The following PSEN2 variants were observed in gnomAD, a reference collection of about 807,000 sequenced individuals.
The protein encoded by PSEN2 is presenilin 2, also known as presenilin-2.
Under a neutral mutation model 49.1 loss-of-function variants are expected in PSEN2, and 32 were observed. The ratio of observed to expected loss-of-function variants is 0.65; its 90% CI spans 0.49 to 0.88. The LOEUF is 0.88. PSEN2 is among the 40% of genes least tolerant of loss of function. The pLI is 0.00. For synonymous variants in PSEN2, 255 were observed against 244.0 expected (o/e 1.05, Z -0.42); for missense variants, 522 against 586.9 (o/e 0.89, Z 1.14).
At chr1:226,890,305 T>A (rs1303664342) in intron 9 of PSEN2, among the ~76,000 whole-genome samples, 172 bp downstream of exon 9, 2 of 152,134 alleles carry the variant, frequency 1.3e-5, no homozygotes, top group Non-Finnish European at 2.9e-5. Context: ...GTAAGAAGCT[T>A]AGAAAGTTAG....
chr1:226,881,759 C>G (rs1661007003), intron 3 of PSEN2, 129 bp from the exon 4 acceptor site: 2 of 971,878 alleles, frequency 2.1e-6, no homozygotes, highest in African/African-American at 3.2e-5. Context: ...GATTGACAGG[C>G]ATCTCTTGGA....
intron 12 of PSEN2, among the ~76,000 whole-genome samples, chr1:226,894,458 A>C (rs1394131334): frequency 6.6e-6 from 1 of 152,216 alleles, no homozygotes; most frequent in African/African-American, 2.4e-5. Flanking sequence ...TTGTGATGAC[A>C]TCAGATTTGC....
At chr1:226,886,294 C>T (rs1206542471) in intron 6 of PSEN2, among the ~76,000 whole-genome samples, 1 of 152,222 alleles carries the variant, frequency 6.6e-6, no homozygotes, top group Non-Finnish European at 1.5e-5. Flanking sequence ...TTAGGCTCCC[C>T]TCACCCCGAT....
At chr1:226,872,832 C>A (rs906799894) in intron 2 of PSEN2, among the ~76,000 whole-genome samples, 3 of 152,170 alleles carry the variant, frequency 2.0e-5, no homozygotes, top group African/African-American at 7.2e-5. Flanking sequence ...ACATTTTCCA[C>A]TGGGCTCCAA....
chr1:226,871,080 T>A (rs1201386989), intron 1 of PSEN2, 182 bp from the exon 2 acceptor site: 1 of 151,912 alleles, frequency 6.6e-6, no homozygotes, highest in Non-Finnish European at 1.5e-5. Context: ...CGTTTTGTTC[T>A]TCTTCTCTCT....
At chr1:226,902,035 T>A (rs891652743) in intron 12 of PSEN2, among the ~76,000 whole-genome samples, 6 of 152,092 alleles carry the variant, frequency 3.9e-5, no homozygotes, top group Non-Finnish European at 7.4e-5. Flanking sequence ...GAGAGGAGGA[T>A]GTGACTTAGA....
intron 8 of PSEN2, among the ~76,000 whole-genome samples, chr1:226,889,653 T>C (rs1661607068): frequency 6.6e-6 from 1 of 152,264 alleles, no homozygotes; most frequent in South Asian, 2.1e-4. Context: ...GATTTGTTCA[T>C]CAAGACAGTC....
At chr1:226,898,273 T>C (rs1207602024), downstream of PSEN2, 1 of 152,212 alleles carries the variant, frequency 6.6e-6, no homozygotes, top group Non-Finnish European at 1.5e-5. Flanking sequence ...TTAACTATTG[T>C]ATAGTGTTCC....
chr1:226,884,910 T>C (rs1231351939), intron 5 of PSEN2, among the ~76,000 whole-genome samples: 1 of 152,112 alleles, frequency 6.6e-6, no homozygotes, highest in Non-Finnish European at 1.5e-5. Flanking sequence ...AGACCCTGTC[T>C]CAAAATTTTT....
intron 9 of PSEN2, chr1:226,890,471 T>A: frequency 2.8e-6 from 1 of 355,754 alleles, no homozygotes; most frequent in Non-Finnish European, 5.4e-6. Context: ...AGAGGGATTC[T>A]TCAGGGCAGG....
In PSEN2 at chr1:226,888,871, C is replaced by T. The variant is rs756024386; in HGVS notation, c.609C>T (p.Thr203=). 1 of 1,614,222 alleles carries T rather than the reference C, an allele frequency of 6.2e-7. No individual in the cohort carries two copies. The highest frequency in any genetic ancestry group is 8.5e-7 in the Non-Finnish European group (1 of 1,180,042). The stretch of plus-strand genomic sequence containing the variant: ...ACAATGTGGCCATGGACTACCCCAC[C>T]CTCTTGCTGACTGTCTGGAACTTCG... ...KTYNVAMDYP[T]LLLTVWNFGA... is the part of the protein sequence containing the mutation. The change falls in exon 8 of 13, where the codon ACC becomes ACT. Residue 203 remains threonine, a synonymous_variant. Coordinates refer to ENST00000366783, the MANE Select transcript of PSEN2 (RefSeq NM_000447.3).
In PSEN2 at chr1:226,885,605, A is replaced by T. The variant is rs201590095; in HGVS notation, c.424A>T (p.Thr142Ser). Residue 142 changes from threonine to serine, a missense_variant, in exon 6 of 13, where the codon ACC becomes TCC. Transcript: ENST00000366783. ...GCGCCTCCTCAACTCCGTGCTGAAC[A>T]CCCTCATCATGATCAGCGTCATCGT... ...GQRLLNSVLN[T>S]LIMISVIVVM... 1.6e-5 allele frequency: 25 copies of T among 1,612,750 alleles called. No homozygotes were observed. In the East Asian group the frequency reaches 5.6e-4, roughly 36 times the overall value.
chr1:226,886,932 C>T lies in PSEN2; in HGVS notation c.499-1159C>T, dbSNP rs539477280. Among the ~76,000 whole-genome samples the T allele has an allele frequency of 6.6e-5, 10 of 152,258 alleles. No individual in the cohort carries two copies. In the South Asian group the frequency reaches 2.1e-3, roughly 32 times the overall value. The stretch of plus-strand genomic sequence containing the variant: ...GCCTGGGCAATGTAAGACCCTGTCT[C>T]TAAAAAAATAATAATAAAATAAGTA... On this transcript the variant is annotated intron_variant, in intron 6 of 12. Transcript: ENST00000366783.
Position 226,883,690 on chromosome 1 carries a change from T to C in PSEN2, c.142-15T>C. On this transcript the variant is annotated splice_polypyrimidine_tract_variant and intron_variant, in intron 4 of 12. Coordinates refer to ENST00000366783, the MANE Select transcript of PSEN2 (RefSeq NM_000447.3). ...GGGGGACATTCTGCGGCCCTCACGATGTGGTTTCCCACAGAGAAGCCAGGA... is the reference window on the plus strand; with the variant it reads ...GGGGGACATTCTGCGGCCCTCACGACGTGGTTTCCCACAGAGAAGCCAGGA... 6.2e-7 allele frequency: 1 copy of C among 1,612,926 alleles called. No individual in the cohort carries two copies. Among genetic ancestry groups the C allele is most frequent in the African/African-American group, 1.3e-5 (1 of 75,032 alleles).
intron 10 of PSEN2, 61 bp from the exon 11 acceptor site, chr1:226,891,682 C>G: frequency 7.0e-7 from 1 of 1,421,420 alleles, no homozygotes; most frequent in Non-Finnish European, 9.9e-7. Context: ...GCTGTTGTTT[C>G]TCTCTCTTGT....
intron 8 of PSEN2, 76 bp downstream of exon 8, chr1:226,889,125 AG>A: frequency 7.3e-7 from 1 of 1,370,994 alleles, no homozygotes; most frequent in African/African-American, 1.4e-5. Context: ...CTGCACAAGG[AG>A]GGCAGGTGCT....
chr1:226,878,689 A>C (rs1184066862), intron 3 of PSEN2, among the ~76,000 whole-genome samples: 3 of 152,126 alleles, frequency 2.0e-5, no homozygotes, highest in Non-Finnish European at 4.4e-5. Context: ...GAGATAAATC[A>C]CAGGAGCTTA....
chr1:226,890,534 G>T (rs952972078), intron 9 of PSEN2: 6 of 313,500 alleles, frequency 1.9e-5, no homozygotes, highest in African/African-American at 4.3e-5. Flanking sequence ...GTGGCTGATT[G>T]GCATTAATCC....
downstream of PSEN2, chr1:226,898,990 G>C (rs989234406): frequency 4.6e-5 from 7 of 152,202 alleles, no homozygotes; most frequent in Admixed American, 2.0e-4. Context: ...GGATATTTAA[G>C]CCTCTTAAAA....
Sources: gnomAD v4.1 joint callset for allele counts (sites outside exome capture counted in the v4.1 genomes callset) on GRCh38, gnomAD v4.1.1 for gene constraint, MANE v1.5 for transcripts, NCBI Gene and HGNC (gene_info 2026-07-23, HGNC 2026-07-21) for gene names.